PPIG: variants seen among roughly 807,000 people sequenced by gnomAD.
PPIG encodes the protein peptidyl-prolyl cis-trans isomerase G.
A neutral mutation model predicts 87.9 loss-of-function variants in PPIG; 26 were observed. The ratio of observed to expected loss-of-function variants is 0.30; its 90% CI spans 0.22 to 0.41. The LOEUF is 0.41. Among genes scored for constraint, PPIG ranks in the 10% least tolerant of loss-of-function variants. PPIG has a pLI of 1.00. For missense variants in PPIG, 722 were observed against 879.4 expected (o/e 0.82, Z 2.26); for synonymous variants, 308 against 276.5 (o/e 1.11, Z -1.13).
intron 1 of PPIG, among the ~76,000 whole-genome samples, chr2:169,603,256 C>A (rs1468486994): frequency 6.6e-6 from 1 of 152,050 alleles, no homozygotes; most frequent in Non-Finnish European, 1.5e-5. Flanking sequence ...TCATCTTCCA[C>A]CAAGTATTAC....
At chr2:169,618,737 T>A (rs1032590706) in intron 9 of PPIG, among the ~76,000 whole-genome samples, 2 of 152,162 alleles carry the variant, frequency 1.3e-5, no homozygotes, top group Non-Finnish European at 1.5e-5. Flanking sequence ...ATTTGATTCT[T>A]CTCTCTTTTC....
At chr2:169,585,002 T>A (rs1299921775) in intron 1 of PPIG, 1 of 161,604 alleles carries the variant, frequency 6.2e-6, no homozygotes, top group African/African-American at 2.4e-5. Context: ...GGATTAAAAT[T>A]GAAGACTAGC....
intron 4 of PPIG, among the ~76,000 whole-genome samples, chr2:169,605,407 G>A (rs181243170): frequency 6.6e-6 from 1 of 152,194 alleles, no homozygotes; most frequent in East Asian, 1.9e-4. Context: ...GGAGGATGAG[G>A]CGGGAGATTC....
intron 6 of PPIG, among the ~76,000 whole-genome samples, chr2:169,607,573 A>T (rs868404482): frequency 6.6e-6 from 1 of 152,150 alleles, no homozygotes; most frequent in South Asian, 2.1e-4. Context: ...TCTTGCTGGA[A>T]TTTTTTTGTT....
At chr2:169,594,134 T>C (rs1277058752) in intron 1 of PPIG, among the ~76,000 whole-genome samples, 1 of 152,168 alleles carries the variant, frequency 6.6e-6, no homozygotes. Context: ...TTTCTGAATT[T>C]AGAGTAGTTC....
intron 1 of PPIG, among the ~76,000 whole-genome samples, chr2:169,594,898 A>G (rs1684978106): frequency 6.6e-6 from 1 of 151,818 alleles, no homozygotes; most frequent in Non-Finnish European, 1.5e-5. Context: ...CTGGGACTAC[A>G]GGCGTGAGAC....
intron 7 of PPIG, among the ~76,000 whole-genome samples, chr2:169,610,884 A>G (rs1685468810): frequency 6.6e-6 from 1 of 152,060 alleles, no homozygotes; most frequent in Non-Finnish European, 1.5e-5. Context: ...ATTGCACATA[A>G]TGTGGATCTC....
At chr2:169,614,341 G>C in intron 7 of PPIG, 123 bp from the exon 8 acceptor site, 1 of 835,550 alleles carries the variant, frequency 1.2e-6, no homozygotes, top group Non-Finnish European at 1.9e-6. Context: ...TATTAAGATA[G>C]CAGTTGATGT....
intron 1 of PPIG, among the ~76,000 whole-genome samples, chr2:169,597,428 G>C (rs1354719659): frequency 4.6e-5 from 7 of 151,968 alleles, no homozygotes; most frequent in African/African-American, 1.7e-4. Flanking sequence ...TGAGTAGCTA[G>C]GACTGCAGGT....
At chr2:169,593,187 TTTTA>T (rs912307751) in intron 1 of PPIG, among the ~76,000 whole-genome samples, 7 of 151,704 alleles carry the variant, frequency 4.6e-5, no homozygotes, top group African/African-American at 1.7e-4. Context: ...TTATTATTTA[TTTTA>T]TTTATTTATT....
At chr2:169,592,372 T>G (rs557522683) in intron 1 of PPIG, among the ~76,000 whole-genome samples, 1 of 135,084 alleles carries the variant, frequency 7.4e-6, no homozygotes, top group South Asian at 2.4e-4. Flanking sequence ...TGGCGCGAAC[T>G]CTGCTCACTG....
chr2:169,588,719 T>C (rs1684772838), intron 1 of PPIG, among the ~76,000 whole-genome samples: 2 of 152,088 alleles, frequency 1.3e-5, no homozygotes, highest in African/African-American at 4.8e-5. Context: ...CCCGACACTT[T>C]GGGAGGCCGA....
At chr2:169,601,820 T>C (rs144591349) in intron 1 of PPIG, among the ~76,000 whole-genome samples, 367 of 152,256 alleles carry the variant, frequency 2.4e-3, no homozygotes, top group African/African-American at 8.5e-3. Flanking sequence ...AAGCCACATG[T>C]GCTTTTTGAG....
intron 9 of PPIG, among the ~76,000 whole-genome samples, chr2:169,626,417 G>A (rs967039946): frequency 2.0e-5 from 3 of 151,780 alleles, no homozygotes; most frequent in East Asian, 1.9e-4. Flanking sequence ...TTTTTGGAAC[G>A]GAGTCTCAAT....
intron 9 of PPIG, among the ~76,000 whole-genome samples, chr2:169,628,338 C>G (rs1328208713): frequency 6.6e-6 from 1 of 152,194 alleles, no homozygotes; most frequent in Non-Finnish European, 1.5e-5. Flanking sequence ...GCCATTACAT[C>G]TACGGTCTCT....
At chr2:169,589,033 A>C (rs1431271231) in intron 1 of PPIG, among the ~76,000 whole-genome samples, 1 of 150,518 alleles carries the variant, frequency 6.6e-6, no homozygotes, top group Non-Finnish European at 1.5e-5. Context: ...GTGAGTTCCC[A>C]GTTAGTATTT....
intron 7 of PPIG, among the ~76,000 whole-genome samples, chr2:169,610,017 A>T (rs56346755): frequency 0.15 from 22,693 of 152,236 alleles, 1,847 homozygotes; most frequent in Middle Eastern, 0.21. Flanking sequence ...CTACAAAAAA[A>T]ATTATGACCA....
At chr2:169,591,343 T>G (rs1328305955) in intron 1 of PPIG, among the ~76,000 whole-genome samples, 1 of 152,210 alleles carries the variant, frequency 6.6e-6, no homozygotes, top group Non-Finnish European at 1.5e-5. Flanking sequence ...ATGATAGCAC[T>G]GTGATATTTT....
Position 169,636,791 on chromosome 2 carries a change from G to A in PPIG, c.1533G>A (p.Gln511=). ...EKQSDSKGKD[Q]ERSRSKEKSK... is the part of the protein sequence containing the mutation. ...AGTCTGATTCTAAAGGAAAAGATCA[G>A]GAAAGGAGTAGAAGTAAAGAGAAGT... is the stretch of plus-strand genomic sequence containing the variant. The change falls in exon 14 of 14, where the codon CAG becomes CAA. Residue 511 remains glutamine, a synonymous_variant. Transcript: ENST00000260970. 1.2e-6 allele frequency: 2 copies of A among 1,612,508 alleles called. No homozygotes were observed. Among genetic ancestry groups the A allele is most frequent in the Non-Finnish European group, 1.7e-6 (2 of 1,179,760 alleles).
Sources: gnomAD v4.1 joint callset for allele counts (sites outside exome capture counted in the v4.1 genomes callset) on GRCh38, gnomAD v4.1.1 for gene constraint, MANE v1.5 for transcripts, NCBI Gene and HGNC (gene_info 2026-07-23, HGNC 2026-07-21) for gene names.